The following ROBO2 variants were observed in gnomAD, a reference collection of about 807,000 sequenced individuals.
ROBO2 encodes roundabout homolog 2.
In ROBO2, 53 loss-of-function variants were observed where a neutral mutation model predicts 160.8. The ratio of observed to expected loss-of-function variants is 0.33; its 90% CI spans 0.26 to 0.41. The LOEUF (loss-of-function observed/expected upper bound fraction) is 0.41, where lower values mean the gene tolerates loss of function less well. Ranked by LOEUF, ROBO2 falls within the 10% of genes least tolerant of loss-of-function variation. The pLI is 1.00. For synonymous variants in ROBO2, 664 were observed against 611.7 expected, an observed-to-expected ratio of 1.09 and a Z score of -1.26; for missense variants, 1,577 against 1,722.4, an observed-to-expected ratio of 0.92 and a Z score of 1.49.
chr3:77,243,308 G>A (rs149041919), intron 2 of ROBO2, among the ~76,000 whole-genome samples: 359 of 152,206 alleles, frequency 2.4e-3, no homozygotes, highest in African/African-American at 8.0e-3. Flanking sequence ...ATTAAATTCA[G>A]CCCTTTGAAT....
chr3:77,356,305 G>A (rs574033023), intron 2 of ROBO2, among the ~76,000 whole-genome samples: 11 of 152,030 alleles, frequency 7.2e-5, no homozygotes, highest in Non-Finnish European at 1.5e-4. Flanking sequence ...AAAAAGAAAA[G>A]CACATTAGTG....
chr3:76,170,745 G>T (rs1290871072), intron 2 of ROBO2, among the ~76,000 whole-genome samples: 1 of 152,114 alleles, frequency 6.6e-6, no homozygotes, highest in East Asian at 1.9e-4. Flanking sequence ...TGATTGGTTA[G>T]ATACCAGAAT....
At chr3:76,228,524 A>G (rs1704430132) in intron 2 of ROBO2, among the ~76,000 whole-genome samples, 1 of 152,212 alleles carries the variant, frequency 6.6e-6, no homozygotes, top group Non-Finnish European at 1.5e-5. Flanking sequence ...AATTAAATAC[A>G]TTTAATGTTG....
intron 2 of ROBO2, among the ~76,000 whole-genome samples, chr3:76,091,651 A>T (rs568503042): frequency 6.6e-6 from 1 of 152,346 alleles, no homozygotes; most frequent in East Asian, 1.9e-4. Flanking sequence ...CTTCATTCAT[A>T]ATTGCCAAAA....
chr3:76,917,002 C>T (rs1356634492), intron 2 of ROBO2, among the ~76,000 whole-genome samples: 1 of 152,052 alleles, frequency 6.6e-6, no homozygotes, highest in Non-Finnish European at 1.5e-5. Context: ...ACACATTGAC[C>T]AAAAAAGCAG....
chr3:76,040,022 C>T (rs988572561), intron 2 of ROBO2, among the ~76,000 whole-genome samples: 1 of 151,772 alleles, frequency 6.6e-6, no homozygotes, highest in Non-Finnish European at 1.5e-5. Context: ...TTTTTAATGA[C>T]TTCTTTTGTC....
At position 76,046,463 on chromosome 3, in the gene ROBO2, C is replaced by T. The variant is rs182039517; in HGVS notation, c.109+108861C>T. 2.8e-3 allele frequency among the ~76,000 whole-genome samples: 427 copies of T among 151,962 alleles called. 6 individuals carry two copies. Among genetic ancestry groups the T allele is most frequent in the African/African-American group, 9.2e-3 (382 of 41,308 alleles). On this transcript the variant is annotated intron_variant, in intron 2 of 26. Coordinates refer to the ROBO2 transcript ENST00000487694. The stretch of plus-strand genomic sequence containing the variant: ...AGGAGATCGAGACCATCCCGGCTAA[C>T]GCGGTGAAGCCCCGTCTCTACTAAA...
chr3:76,855,359 A>T (rs1445356473), intron 2 of ROBO2, among the ~76,000 whole-genome samples: 2 of 152,190 alleles, frequency 1.3e-5, no homozygotes, highest in Admixed American at 6.5e-5. Context: ...GTCTTTACAC[A>T]TGGCTTTACC....
At chr3:76,533,632 T>G (rs1376121285) in intron 2 of ROBO2, among the ~76,000 whole-genome samples, 1 of 152,180 alleles carries the variant, frequency 6.6e-6, no homozygotes, top group Non-Finnish European at 1.5e-5. Context: ...GCAACAAGGC[T>G]GCTTATTCAC....
chr3:75,982,989 T>C (rs1163243245), intron 2 of ROBO2, among the ~76,000 whole-genome samples: 3 of 151,504 alleles, frequency 2.0e-5, no homozygotes, highest in Admixed American at 6.6e-5. Context: ...ACTCGCAATG[T>C]GAGGAAGGTT....
intron 1 of ROBO2, among the ~76,000 whole-genome samples, chr3:77,068,450 T>C (rs1168291549): frequency 6.6e-6 from 1 of 152,136 alleles, no homozygotes; most frequent in African/African-American, 2.4e-5. Flanking sequence ...ATATAATCTT[T>C]GTTTAAATGA....
chr3:77,575,358 A>G (rs2093735120), intron 14 of ROBO2, among the ~76,000 whole-genome samples: 1 of 152,118 alleles, frequency 6.6e-6, no homozygotes, highest in African/African-American at 2.4e-5. Flanking sequence ...TTGTCATTAA[A>G]GTTAAAAAAA....
chr3:77,576,798 T>G (rs952823036), intron 14 of ROBO2, among the ~76,000 whole-genome samples: 2 of 152,124 alleles, frequency 1.3e-5, no homozygotes, highest in Non-Finnish European at 2.9e-5. Flanking sequence ...AAGTTTTCAA[T>G]CTTAACTTGC....
intron 6 of ROBO2, among the ~76,000 whole-genome samples, chr3:77,532,372 C>T (rs2091806324): frequency 6.6e-6 from 1 of 152,018 alleles, no homozygotes; most frequent in Admixed American, 6.6e-5. Flanking sequence ...TTTCAAGTAA[C>T]TTTGCTCAGT....
intron 2 of ROBO2, among the ~76,000 whole-genome samples, chr3:76,288,277 G>A (rs1708628357): frequency 6.6e-6 from 1 of 152,012 alleles, no homozygotes; most frequent in Non-Finnish European, 1.5e-5. Context: ...TTATTCTTAG[G>A]TTATTCTTGG....
At position 76,742,565 on chromosome 3, in the gene ROBO2, A is replaced by AT. The variant is rs544199590; in HGVS notation, c.110-355441dup. 3.0e-3 allele frequency among the ~76,000 whole-genome samples: 459 copies of AT among 152,206 alleles called. 1 individual carries two copies. Among genetic ancestry groups the AT allele is most frequent in the African/African-American group, 0.011 (438 of 41,522 alleles). ...TTTCACCTCCTCACCCCAAATGAAG[A>AT]TTTTTTTTAAAATGTGAAAACCTGT... On this transcript the variant is annotated intron_variant, in intron 2 of 26. Coordinates refer to the ROBO2 transcript ENST00000487694.
At chr3:77,247,156 C>T (rs142608260) in intron 2 of ROBO2, among the ~76,000 whole-genome samples, 1 of 152,130 alleles carries the variant, frequency 6.6e-6, no homozygotes, top group African/African-American at 2.4e-5. Flanking sequence ...GTCCATGTCT[C>T]GAGTTTTAAG....
At chr3:77,043,005 T>A (rs2064250439) in intron 1 of ROBO2, among the ~76,000 whole-genome samples, 2 of 152,226 alleles carry the variant, frequency 1.3e-5, no homozygotes, top group South Asian at 4.1e-4. Context: ...TGGACACTCT[T>A]ACTAAATTAA....
intron 2 of ROBO2, among the ~76,000 whole-genome samples, chr3:77,366,456 C>T (rs1226299811): frequency 1.3e-5 from 2 of 151,960 alleles, no homozygotes; most frequent in East Asian, 1.9e-4. Flanking sequence ...CCTGTAGGAA[C>T]CAGAAAGCAG....
Sources: gnomAD v4.1 joint callset for allele counts (sites outside exome capture counted in the v4.1 genomes callset) on GRCh38, gnomAD v4.1.1 for gene constraint, MANE v1.5 for transcripts, NCBI Gene and HGNC (gene_info 2026-07-23, HGNC 2026-07-21) for gene names.